Variants in RIPOR2 observed in about 807,000 individuals in gnomAD.
RIPOR2 encodes rho family-interacting cell polarization regulator 2.
RIPOR2 carries 39 observed loss-of-function variants against 114.5 expected under a neutral mutation model. That is an observed-to-expected ratio of 0.34 (90% confidence interval 0.26 to 0.44). RIPOR2 has a LOEUF of 0.44. Among genes scored for constraint, RIPOR2 ranks in the 20% least tolerant of loss-of-function variants. The pLI is 1.00. For missense variants in RIPOR2, 1,007 were observed against 1,255.1 expected (o/e 0.80, Z 2.99); for synonymous variants, 445 against 484.4 (o/e 0.92, Z 1.07).
At chr6:24,908,911 T>A (rs1361189329) in intron 1 of RIPOR2, among the ~76,000 whole-genome samples, 1 of 152,234 alleles carries the variant, frequency 6.6e-6, no homozygotes, top group African/African-American at 2.4e-5. Flanking sequence ...GTTTTCTTTC[T>A]CTGTAGCTTG....
chr6:25,026,669 G>A (rs1776640611), intron 1 of RIPOR2, among the ~76,000 whole-genome samples: 1 of 152,204 alleles, frequency 6.6e-6, no homozygotes, highest in Non-Finnish European at 1.5e-5. Flanking sequence ...TTCAGAATAA[G>A]AGTCCTGCAA....
rs115013548 is a variant in RIPOR2, at chr6:24,842,869, A to C, written c.1850T>G (p.Ile617Ser). 1,109 of 1,439,940 alleles carry C rather than the reference A, an allele frequency of 7.7e-4. 5 individuals are homozygous for C. In the African/African-American group the frequency reaches 0.013, roughly 17 times the overall value. 89.2% of individuals were successfully genotyped at this position (1,439,940 alleles called of 1,614,324 possible). The change falls in exon 13 of 22, where the codon ATT becomes AGT. Residue 617 changes from isoleucine (I) to serine (S), a missense_variant. Physicochemically the swap from Ile to Ser is moderately radical, Grantham distance 142. Coordinates refer to ENST00000643898, the MANE Select transcript of RIPOR2 (RefSeq NM_001286445.3). ...LNQEVMNLDD[I>S]LKCKPAVSRS... ...CTCTGAAAAGGTACTTACTTTTAGA[A>C]TATCATCCAAATTCATGACTTCTTG...
chr6:24,989,692 G>A (rs1774703586), intron 1 of RIPOR2, among the ~76,000 whole-genome samples: 1 of 152,090 alleles, frequency 6.6e-6, no homozygotes, highest in Non-Finnish European at 1.5e-5. Flanking sequence ...ACTATGCAAA[G>A]TGCATTTACT....
intron 1 of RIPOR2, among the ~76,000 whole-genome samples, chr6:24,965,149 T>A (rs7764885): frequency 0.82 from 124,706 of 151,544 alleles, 54,068 homozygotes; most frequent in East Asian, 0.96. Flanking sequence ...TTATTTTTTT[T>A]ATTTTATTTT....
At chr6:24,855,023 CAAAAAAAAAAA>C (rs71310727) in intron 8 of RIPOR2, among the ~76,000 whole-genome samples, 2 of 54,532 alleles carry the variant, frequency 3.7e-5, no homozygotes, top group African/African-American at 1.4e-4. Context: ...AACTCCGTCT[CAAAAAAAAAAA>C]AAAAAAAAAA....
At chr6:24,963,241 C>A (rs1378878019) in intron 1 of RIPOR2, among the ~76,000 whole-genome samples, 1 of 152,106 alleles carries the variant, frequency 6.6e-6, no homozygotes, top group Non-Finnish European at 1.5e-5. Context: ...CCATGTTGGC[C>A]AGGCTGGTTT....
intron 1 of RIPOR2, among the ~76,000 whole-genome samples, chr6:25,035,179 G>A (rs73384172): frequency 1.3e-5 from 2 of 152,170 alleles, no homozygotes; most frequent in East Asian, 1.9e-4. Flanking sequence ...GGGCCCAGCC[G>A]CCTGTTGTCT....
intron 1 of RIPOR2, among the ~76,000 whole-genome samples, chr6:24,914,348 A>C (rs1769908544): frequency 6.6e-6 from 1 of 152,100 alleles, no homozygotes. Flanking sequence ...AACAACCAAA[A>C]CAAAACAAAA....
chr6:24,847,115 C>G (rs538027109), intron 12 of RIPOR2, among the ~76,000 whole-genome samples: 1 of 151,630 alleles, frequency 6.6e-6, no homozygotes, highest in African/African-American at 2.4e-5. Context: ...CCATTCCTGG[C>G]TAATTTTTGT....
At chr6:24,971,079 G>T (rs384476) in intron 1 of RIPOR2, among the ~76,000 whole-genome samples, 48,054 of 152,150 alleles carry the variant, frequency 0.32, 8,252 homozygotes, top group Non-Finnish European at 0.39. Context: ...GTTGAACAAG[G>T]TATTAAAAGT....
At chr6:24,875,939 T>A in intron 1 of RIPOR2, 122 bp from the exon 2 acceptor site, 1 of 887,908 alleles carries the variant, frequency 1.1e-6, no homozygotes. Context: ...GCTTGTGAGG[T>A]TCTTTATTAT....
At chr6:25,023,853 C>A (rs1776460479) in intron 1 of RIPOR2, 6 of 731,238 alleles carry the variant, frequency 8.2e-6, no homozygotes, top group Non-Finnish European at 1.5e-5. Flanking sequence ...GGGCTTTGAC[C>A]GGTTCCTAGG....
At chr6:25,023,177 C>G in intron 1 of RIPOR2, 1 of 599,162 alleles carries the variant, frequency 1.7e-6, no homozygotes, top group South Asian at 1.4e-5. Context: ...TACAAATTAT[C>G]ACAACAATTA....
intron 1 of RIPOR2, among the ~76,000 whole-genome samples, chr6:24,887,881 A>G (rs997087092): frequency 6.6e-6 from 1 of 152,168 alleles, no homozygotes; most frequent in African/African-American, 2.4e-5. Context: ...TAGAAGAGAA[A>G]TGATTCAGGG....
chr6:25,031,377 T>A (rs1234754575), intron 1 of RIPOR2: 1 of 152,094 alleles, frequency 6.6e-6, no homozygotes, highest in African/African-American at 2.4e-5. Context: ...CAAAGGGGCA[T>A]GAAGGAATGT....
At position 24,896,222 on chromosome 6, in the gene RIPOR2, G is replaced by A. The variant is rs138942039; in HGVS notation, c.62-20405C>T. On this transcript the variant is annotated intron_variant, in intron 1 of 21. Transcript: ENST00000643898. ...TGGCAGCACCACTTTATACTGTGTG[G>A]CTTTCACGGGTTGCTTAAGTTTTCC... Among the ~76,000 whole-genome samples, 9 of 152,292 alleles carry A rather than the reference G, an allele frequency of 5.9e-5. No homozygotes were observed. In the East Asian group the frequency reaches 1.7e-3, roughly 29 times the overall value.
intron 11 of RIPOR2, among the ~76,000 whole-genome samples, chr6:24,849,488 T>C (rs1212187302): frequency 3.9e-5 from 6 of 152,180 alleles, no homozygotes; most frequent in Admixed American, 3.9e-4. Context: ...AGAGGACATA[T>C]GCCCTTATAT....
At chr6:24,885,842 G>T (rs1489613612) in intron 1 of RIPOR2, among the ~76,000 whole-genome samples, 1 of 152,140 alleles carries the variant, frequency 6.6e-6, no homozygotes, top group African/African-American at 2.4e-5. Flanking sequence ...AGATACATAA[G>T]ACAGGAATAG....
At chr6:24,847,289 A>G (rs905876426) in intron 12 of RIPOR2, among the ~76,000 whole-genome samples, 8 of 152,192 alleles carry the variant, frequency 5.3e-5, no homozygotes, top group African/African-American at 1.9e-4. Context: ...CTTGTTTAAA[A>G]TCTTGTTACC....
Sources: gnomAD v4.1 joint callset for allele counts (sites outside exome capture counted in the v4.1 genomes callset) on GRCh38, gnomAD v4.1.1 for gene constraint, MANE v1.5 for transcripts, NCBI Gene and HGNC (gene_info 2026-07-23, HGNC 2026-07-21) for gene names.